ACER2: variants seen among roughly 807,000 people sequenced by gnomAD.
ACER2 encodes the protein alkCDase 2.
ACER2 carries 26 observed loss-of-function variants against 34.7 expected under a neutral mutation model. The observed-to-expected ratio is 0.75, with a 90% CI of 0.55 to 1.04. The LOEUF is 1.04. Among genes scored for constraint, ACER2 ranks in the 50% least tolerant of loss-of-function variants. ACER2 has a pLI of 0.00. For missense variants in ACER2, 352 were observed against 340.8 expected (o/e 1.03, Z -0.26); for synonymous variants, 138 against 132.1 (o/e 1.04, Z -0.31).
At chr9:19,414,442 A>T (rs1011018726) in intron 1 of ACER2, among the ~76,000 whole-genome samples, 6 of 152,236 alleles carry the variant, frequency 3.9e-5, no homozygotes, top group Admixed American at 3.3e-4. Flanking sequence ...AGCAAATGTT[A>T]TGTGGAAATT....
intron 1 of ACER2, among the ~76,000 whole-genome samples, chr9:19,416,432 A>G (rs1830241710): frequency 6.6e-6 from 1 of 152,208 alleles, no homozygotes. Flanking sequence ...CTCTGTGCAG[A>G]TTGGCTCTCT....
chr9:19,435,279 G>A (rs555986527), intron 4 of ACER2, among the ~76,000 whole-genome samples, 195 bp downstream of exon 4: 1 of 152,344 alleles, frequency 6.6e-6, no homozygotes, highest in East Asian at 1.9e-4. Context: ...GAGGGGAGCA[G>A]CTGTTGAGCA....
chr9:19,412,469 A>G (rs1257795650), intron 1 of ACER2, among the ~76,000 whole-genome samples: 1 of 152,064 alleles, frequency 6.6e-6, no homozygotes, highest in African/African-American at 2.4e-5. Context: ...CCTGGCCAAC[A>G]TGGTGAAACC....
chr9:19,418,472 A>T (rs896584600), intron 1 of ACER2, among the ~76,000 whole-genome samples: 1 of 152,258 alleles, frequency 6.6e-6, no homozygotes, highest in Non-Finnish European at 1.5e-5. Flanking sequence ...GATAGACTGG[A>T]TAAAGAAAAT....
intron 3 of ACER2, among the ~76,000 whole-genome samples, chr9:19,434,710 C>G (rs1269029585): frequency 6.6e-6 from 1 of 152,082 alleles, no homozygotes; most frequent in Non-Finnish European, 1.5e-5. Flanking sequence ...TGCAGTGAGC[C>G]GAGATGGCAG....
At chr9:19,440,116 G>A (rs546647702) in intron 4 of ACER2, among the ~76,000 whole-genome samples, 3 of 152,098 alleles carry the variant, frequency 2.0e-5, no homozygotes, top group Non-Finnish European at 2.9e-5. Flanking sequence ...AGACCCCCCT[G>A]TATCTTATGT....
intron 1 of ACER2, among the ~76,000 whole-genome samples, chr9:19,410,593 C>T (rs1469275038): frequency 1.3e-5 from 2 of 152,116 alleles, no homozygotes; most frequent in African/African-American, 4.8e-5. Context: ...ACTTGTCGTC[C>T]CAGCTACTTG....
chr9:19,436,875 T>A (rs1380937876), intron 4 of ACER2, among the ~76,000 whole-genome samples: 1 of 152,226 alleles, frequency 6.6e-6, no homozygotes, highest in South Asian at 2.1e-4. Flanking sequence ...TACTTCCAAA[T>A]AGAATAGCTT....
Position 19,410,973 on chromosome 9 carries a change from T to G in ACER2, c.108+1781T>G, listed in dbSNP as rs73645405. Among the ~76,000 whole-genome samples the G allele has an allele frequency of 2.9e-3, 439 of 152,220 alleles. 1 individual carries two copies. Among genetic ancestry groups the G allele is most frequent in the African/African-American group, 0.01 (419 of 41,530 alleles). ...GCTTGATGACAGGTTCTCACACACT[T>G]AGCAAGATTATTCTCTGTGCAGCCT... On this transcript the variant is annotated intron_variant, in intron 1 of 5. Coordinates refer to ENST00000340967, the MANE Select transcript of ACER2 (RefSeq NM_001010887.3).
intron 5 of ACER2, 169 bp downstream of exon 5, chr9:19,446,587 A>T: frequency 1.0e-6 from 1 of 985,410 alleles, no homozygotes; most frequent in African/African-American, 1.7e-5. Context: ...ACACTTTGTA[A>T]AAAGCTGAAT....
chr9:19,441,024 C>T (rs1831137473), intron 4 of ACER2, among the ~76,000 whole-genome samples: 2 of 151,660 alleles, frequency 1.3e-5, no homozygotes, highest in Non-Finnish European at 2.9e-5. Context: ...CATGCCATTT[C>T]AGCACATTTT....
At chr9:19,446,715 A>T in intron 5 of ACER2, 1 of 846,174 alleles carries the variant, frequency 1.2e-6, no homozygotes, top group Non-Finnish European at 1.4e-6. Flanking sequence ...CTGAACCTGT[A>T]ACCTGAGCTC....
chr9:19,441,322 T>C (rs1315320555), intron 4 of ACER2, among the ~76,000 whole-genome samples: 1 of 152,152 alleles, frequency 6.6e-6, no homozygotes, highest in Admixed American at 6.5e-5. Flanking sequence ...TTGCTGAGAT[T>C]ACAGGCATGA....
chr9:19,436,057 G>C (rs10811183), intron 4 of ACER2, among the ~76,000 whole-genome samples: 5 of 149,494 alleles, frequency 3.3e-5, no homozygotes, highest in Admixed American at 6.6e-5. Context: ...TCAAAAAACA[G>C]AAAAAGAAGA....
At chr9:19,416,715 T>C (rs959285643) in intron 1 of ACER2, among the ~76,000 whole-genome samples, 1 of 151,406 alleles carries the variant, frequency 6.6e-6, no homozygotes, top group African/African-American at 2.4e-5. Context: ...GTACTTTTAG[T>C]AGAGACAGGG....
At chr9:19,430,019 G>C (rs1358038532) in intron 3 of ACER2, among the ~76,000 whole-genome samples, 1 of 152,012 alleles carries the variant, frequency 6.6e-6, no homozygotes, top group East Asian at 1.9e-4. Flanking sequence ...ATTACGATGG[G>C]AGGTTTTATC....
chr9:19,420,088 A>G (rs1018894316), intron 1 of ACER2, among the ~76,000 whole-genome samples: 2 of 152,086 alleles, frequency 1.3e-5, no homozygotes, highest in African/African-American at 2.4e-5. Flanking sequence ...GAAGCATTCT[A>G]TTTAGTTGTG....
rs1004548416 is a variant in ACER2, at chr9:19,435,056, A to C, written c.475A>C (p.Thr159Pro). The C allele has an allele frequency of 6.2e-7, 1 of 1,614,122 alleles. No homozygotes were observed. Among genetic ancestry groups the C allele is most frequent in the East Asian group, 2.2e-5 (1 of 44,872 alleles). Residue 159 changes from threonine (T) to proline (P), a missense_variant, in exon 4 of 6, where the codon ACT becomes CCT. By Grantham distance (38) the Thr-to-Pro change is conservative. Transcript: ENST00000340967. ...ISLMTLGVPCTALLIAELKRC... is the reference protein window; with the variant it reads ...ISLMTLGVPCPALLIAELKRC... ...TCTGATGACCCTGGGAGTTCCTTGC[A>C]CTGCACTGCTCATCGCAGAGCTAAA...
At chr9:19,417,987 C>T (rs756637570) in intron 1 of ACER2, among the ~76,000 whole-genome samples, 29 of 151,944 alleles carry the variant, frequency 1.9e-4, no homozygotes, top group Non-Finnish European at 3.4e-4. Context: ...CTACAAGGAA[C>T]TTAAACAAAT....
Sources: gnomAD v4.1 joint callset for allele counts (sites outside exome capture counted in the v4.1 genomes callset) on GRCh38, gnomAD v4.1.1 for gene constraint, MANE v1.5 for transcripts, NCBI Gene and HGNC (gene_info 2026-07-23, HGNC 2026-07-21) for gene names.